MAP3K5: variants seen among roughly 807,000 people sequenced by gnomAD.
MAP3K5 encodes mitogen-activated protein kinase kinase kinase 5, also known as ASK-1.
MAP3K5 carries 56 observed loss-of-function variants against 158.7 expected under a neutral mutation model. That is an observed-to-expected ratio of 0.35 (90% CI 0.28 to 0.44). The LOEUF (loss-of-function observed/expected upper bound fraction) is 0.44. Ranked by LOEUF, MAP3K5 falls within the 20% of genes least tolerant of loss-of-function variation. The pLI is 1.00. For synonymous variants in MAP3K5, 579 were observed against 601.7 expected, an observed-to-expected ratio of 0.96 and a Z score of 0.55; for missense variants, 1,294 against 1,674.8, an observed-to-expected ratio of 0.77 and a Z score of 3.97.
chr6:136,571,544 C>T (rs1278063745), intron 25 of MAP3K5, among the ~76,000 whole-genome samples: 4 of 152,158 alleles, frequency 2.6e-5, no homozygotes, highest in Non-Finnish European at 5.9e-5. Flanking sequence ...TAGCATAATG[C>T]CCTCAAAGTT....
chr6:136,689,119 G>C (rs1232655040), intron 7 of MAP3K5, among the ~76,000 whole-genome samples: 7 of 151,788 alleles, frequency 4.6e-5, no homozygotes, highest in African/African-American at 1.7e-4. Context: ...GGCCAACACA[G>C]CAAGACCGCA....
intron 14 of MAP3K5, among the ~76,000 whole-genome samples, chr6:136,626,763 C>T (rs939168823): frequency 6.6e-6 from 1 of 151,216 alleles, no homozygotes. Context: ...CACTACAATG[C>T]TTTATAATCT....
At chr6:136,632,510 CTG>C (rs1356979615) in intron 14 of MAP3K5, among the ~76,000 whole-genome samples, 3 of 152,050 alleles carry the variant, frequency 2.0e-5, no homozygotes, top group Non-Finnish European at 4.4e-5. Flanking sequence ...GAGTGAGACT[CTG>C]TATCAAAAAA....
At chr6:136,570,421 G>A (rs766693653) in intron 25 of MAP3K5, among the ~76,000 whole-genome samples, 12 of 152,016 alleles carry the variant, frequency 7.9e-5, no homozygotes, top group African/African-American at 1.5e-4. Context: ...TCAACTCCAC[G>A]AAGGTTAAGT....
At chr6:136,601,655 C>A in intron 20 of MAP3K5, 147 bp downstream of exon 20, 1 of 704,096 alleles carries the variant, frequency 1.4e-6, no homozygotes, top group Non-Finnish European at 2.3e-6. Context: ...GATACTGCAA[C>A]CAAATGCCTG....
At chr6:136,606,607 C>G (rs186226395) in intron 18 of MAP3K5, among the ~76,000 whole-genome samples, 1 of 152,182 alleles carries the variant, frequency 6.6e-6, no homozygotes, top group African/African-American at 2.4e-5. Flanking sequence ...GAGTCAGGAG[C>G]ATGAATAGAA....
At chr6:136,667,902 C>T (rs1220073996) in intron 8 of MAP3K5, among the ~76,000 whole-genome samples, 1 of 151,752 alleles carries the variant, frequency 6.6e-6, no homozygotes, top group Non-Finnish European at 1.5e-5. Flanking sequence ...CCCCTGCTAT[C>T]CCACAGTAAT....
At chr6:136,652,938 G>GTC (rs1778583480) in intron 10 of MAP3K5, among the ~76,000 whole-genome samples, 1 of 152,180 alleles carries the variant, frequency 6.6e-6, no homozygotes, top group African/African-American at 2.4e-5. Flanking sequence ...ATTTGACAAA[G>GTC]TCTTAAAGGT....
At chr6:136,600,983 C>A (rs1380450872) in intron 21 of MAP3K5, 39 bp downstream of exon 21, 3 of 1,609,606 alleles carry the variant, frequency 1.9e-6, no homozygotes, top group Non-Finnish European at 1.7e-6. Context: ...CACCAGACAC[C>A]AGGTCTCAGC....
intron 9 of MAP3K5, among the ~76,000 whole-genome samples, chr6:136,658,301 C>CT (rs1562586977): frequency 1.6e-5 from 2 of 125,872 alleles, no homozygotes; most frequent in African/African-American, 3.1e-5. Context: ...TCTTTTCTTT[C>CT]TTTCTTTCTT....
intron 4 of MAP3K5, 139 bp downstream of exon 4, chr6:136,698,350 C>T (rs1247754095): frequency 2.9e-6 from 2 of 678,674 alleles, no homozygotes; most frequent in African/African-American, 1.8e-5. Flanking sequence ...ATTTTATCTA[C>T]TTGGAGGATA....
At chr6:136,698,163 T>G (rs191202798) in intron 4 of MAP3K5, among the ~76,000 whole-genome samples, 51 of 152,350 alleles carry the variant, frequency 3.3e-4, no homozygotes, top group Non-Finnish European at 2.9e-5. Flanking sequence ...TTAATTAAAG[T>G]TGAATTGTTC....
chr6:136,567,760 T>G lies in MAP3K5; in HGVS notation c.3632A>C (p.Gln1211Pro). 1.9e-6 allele frequency: 3 copies of G among 1,614,138 alleles called. No homozygotes were observed. Among genetic ancestry groups the G allele is most frequent in the Non-Finnish European group, 2.5e-6 (3 of 1,180,012 alleles). Reference sequence around the variant, plus strand: ...AGCCACAGCATCTTCAATGACAGCCTGAGGTCTTCGGACAGTTTGATTTGA... The same window carrying G: ...AGCCACAGCATCTTCAATGACAGCCGGAGGTCTTCGGACAGTTTGATTTGA... ...QPSNQTVRRP[Q>P]AVIEDAVATS... The change falls in exon 26 of 30, where the codon CAG becomes CCG. Residue 1211 changes from glutamine (Q) to proline (P), a missense_variant. Transcript: ENST00000359015.
At chr6:136,752,885 T>C (rs929917863) in intron 1 of MAP3K5, among the ~76,000 whole-genome samples, 2 of 152,230 alleles carry the variant, frequency 1.3e-5, no homozygotes, top group African/African-American at 2.4e-5. Context: ...GGTCAGCTTT[T>C]AGAAGGCAGA....
chr6:136,558,708 G>A, intron 29 of MAP3K5, 92 bp downstream of exon 29: 1 of 805,096 alleles, frequency 1.2e-6, no homozygotes, highest in Non-Finnish European at 2.1e-6. Flanking sequence ...GAACTACAAA[G>A]CTAATTAGAG....
intron 21 of MAP3K5, among the ~76,000 whole-genome samples, chr6:136,599,497 C>T (rs1043992657): frequency 2.0e-5 from 3 of 148,432 alleles, no homozygotes; most frequent in Admixed American, 1.3e-4. Flanking sequence ...CTCTCTCTCT[C>T]TCTCTCATAT....
rs76014135 is a variant in MAP3K5, at chr6:136,690,991, T to C, written c.1253+3149A>G. The stretch of plus-strand genomic sequence containing the variant: ...TAGAGTTCTTGCTTGATTGGGTTTT[T>C]TTCTTTCAGCACTTTAATGTTATTC... On this transcript the variant is annotated intron_variant, in intron 7 of 29. Coordinates refer to ENST00000359015, the MANE Select transcript of MAP3K5 (RefSeq NM_005923.4). Among the ~76,000 whole-genome samples the C allele has an allele frequency of 6.4e-3, 977 of 152,304 alleles. 5 individuals are homozygous for C. Among genetic ancestry groups the C allele is most frequent in the African/African-American group, 0.022 (917 of 41,568 alleles).
At chr6:136,723,603 A>G (rs780344899) in intron 1 of MAP3K5, among the ~76,000 whole-genome samples, 6 of 152,226 alleles carry the variant, frequency 3.9e-5, no homozygotes, top group Non-Finnish European at 8.8e-5. Flanking sequence ...CAAAATATAA[A>G]ATGAACAACA....
In MAP3K5 at chr6:136,617,865, G is replaced by A. The variant is rs536323228; in HGVS notation, c.2151-3579C>T. Among the ~76,000 whole-genome samples, 7 of 152,138 alleles carry A rather than the reference G, an allele frequency of 4.6e-5. No individual in the cohort carries two copies. In the South Asian group the frequency reaches 1.0e-3, roughly 23 times the overall value. On this transcript the variant is annotated intron_variant, in intron 15 of 29. Transcript: ENST00000359015. The stretch of plus-strand genomic sequence containing the variant: ...GGAGAATCACTTGAACCCAGGAGGC[G>A]GAGGTTGCAGTGAGCCGAGATCGCG...
Sources: allele counts gnomAD v4.1 joint callset (sites outside exome capture counted in the v4.1 genomes callset), GRCh38; gene constraint gnomAD v4.1.1; transcripts MANE v1.5; gene names NCBI Gene and HGNC (gene_info 2026-07-23, HGNC 2026-07-21).